Variants in LOC128092253 observed in about 807,000 individuals in gnomAD.
chr6:133,954,081 A>T, the LOC128092253 span, among the ~76,000 whole-genome samples: 4 of 152,206 alleles, frequency 2.6e-5, no homozygotes, highest in African/African-American at 9.7e-5. Flanking sequence ...CCCTAAAAGT[A>T]AATCTAATAG....
chr6:133,959,650 T>C, the LOC128092253 span, among the ~76,000 whole-genome samples: 1 of 152,058 alleles, frequency 6.6e-6, no homozygotes, highest in African/African-American at 2.4e-5. Context: ...CCTGGCCATT[T>C]TTTTGTATTT....
the LOC128092253 span, chr6:133,953,538 T>G: frequency 7.6e-6 from 1 of 132,298 alleles, no homozygotes; most frequent in Non-Finnish European, 1.6e-5. Flanking sequence ...GGGCCAGACT[T>G]GGGGTGGGAT....
At chr6:133,976,047 A>G in the LOC128092253 span, among the ~76,000 whole-genome samples, 1 of 152,248 alleles carries the variant, frequency 6.6e-6, no homozygotes, top group South Asian at 2.1e-4. Context: ...CAGTTAAAAA[A>G]ATCATGTATA....
chr6:133,967,630 T>C, the LOC128092253 span, among the ~76,000 whole-genome samples: 2 of 152,182 alleles, frequency 1.3e-5, no homozygotes, highest in African/African-American at 4.8e-5. Context: ...GCATGTTTCT[T>C]TACTGAGTAC....
the LOC128092253 span, among the ~76,000 whole-genome samples, chr6:133,962,778 C>A: frequency 6.6e-6 from 1 of 152,120 alleles, no homozygotes; most frequent in African/African-American, 2.4e-5. Flanking sequence ...ATGAAAAAAA[C>A]AATGGCCTTC....
chr6:133,958,310 G>A, the LOC128092253 span, among the ~76,000 whole-genome samples: 1 of 152,218 alleles, frequency 6.6e-6, no homozygotes, highest in Non-Finnish European at 1.5e-5. Flanking sequence ...AACCTTAGTT[G>A]ATGGTAAACT....
the LOC128092253 span, among the ~76,000 whole-genome samples, chr6:133,963,605 C>T: frequency 5.3e-5 from 8 of 152,070 alleles, no homozygotes; most frequent in Non-Finnish European, 8.8e-5. Context: ...ATTTTTTTGT[C>T]GAGACAGAGT....
At chr6:133,969,761 A>G in the LOC128092253 span, among the ~76,000 whole-genome samples, 2 of 152,200 alleles carry the variant, frequency 1.3e-5, no homozygotes, top group African/African-American at 4.8e-5. Flanking sequence ...ACCTTAGTGC[A>G]TCTAACTCTC....
At chr6:133,976,420 T>C in the LOC128092253 span, among the ~76,000 whole-genome samples, 1 of 152,206 alleles carries the variant, frequency 6.6e-6, no homozygotes, top group South Asian at 2.1e-4. Context: ...GTAGGGGAAA[T>C]AGGTGATTCT....
the LOC128092253 span, among the ~76,000 whole-genome samples, chr6:133,975,259 GATT>G: frequency 3.0e-4 from 45 of 152,116 alleles, no homozygotes; most frequent in African/African-American, 1.1e-3. Flanking sequence ...GACTTTAAAA[GATT>G]ATTAAGACAA....
the LOC128092253 span, among the ~76,000 whole-genome samples, chr6:133,972,704 GT>G: frequency 2.4e-4 from 33 of 137,132 alleles, no homozygotes; most frequent in South Asian, 6.7e-4. Flanking sequence ...TTGTTTGTTT[GT>G]TTTTTTCCCC....
chr6:133,974,397 G>A, the LOC128092253 span, among the ~76,000 whole-genome samples: 3 of 152,228 alleles, frequency 2.0e-5, no homozygotes, highest in African/African-American at 7.2e-5. Flanking sequence ...GCAGTGGCGC[G>A]ATCTCAGCTC....
At chr6:133,954,625 A>G in the LOC128092253 span, among the ~76,000 whole-genome samples, 1 of 152,254 alleles carries the variant, frequency 6.6e-6, no homozygotes, top group Non-Finnish European at 1.5e-5. Context: ...AAAAGGCCAC[A>G]TATACATACA....
the LOC128092253 span, among the ~76,000 whole-genome samples, chr6:133,970,198 C>T: frequency 6.6e-6 from 1 of 152,234 alleles, no homozygotes; most frequent in Non-Finnish European, 1.5e-5. Context: ...TTGAGAACAA[C>T]TACTCTTTTT....
chr6:133,973,073 C>A, the LOC128092253 span, among the ~76,000 whole-genome samples: 1 of 152,200 alleles, frequency 6.6e-6, no homozygotes. Context: ...AGCTTTTCTT[C>A]ATCCTGATTC....
chr6:133,968,971 T>C, the LOC128092253 span: 1 of 152,186 alleles, frequency 6.6e-6, no homozygotes, highest in Admixed American at 6.5e-5. Flanking sequence ...AGTATCCAAG[T>C]TTTCTTACTT....
chr6:133,959,293 G>A, the LOC128092253 span, among the ~76,000 whole-genome samples: 1 of 152,162 alleles, frequency 6.6e-6, no homozygotes. Context: ...GCCTGTCTCA[G>A]CCTCCCGGAG....
chr6:133,976,541 A>G, the LOC128092253 span, among the ~76,000 whole-genome samples: 9 of 152,114 alleles, frequency 5.9e-5, no homozygotes, highest in South Asian at 6.2e-4. Flanking sequence ...TTCTTGTTTT[A>G]ATTTAAACAA....
the LOC128092253 span, among the ~76,000 whole-genome samples, chr6:133,956,447 C>G: frequency 3.9e-5 from 6 of 152,252 alleles, no homozygotes; most frequent in African/African-American, 1.4e-4. Context: ...ATGACAGACA[C>G]AAATATGAAT....
Sources: allele counts gnomAD v4.1 joint callset (sites outside exome capture counted in the v4.1 genomes callset), GRCh38; gene constraint gnomAD v4.1.1; transcripts MANE v1.5.